The following PRELID2 variants were observed in gnomAD, a reference collection of about 807,000 sequenced individuals.
PRELID2 encodes the protein PRELI domain containing 2, also known as PRELI domain-containing protein 2.
A neutral mutation model predicts 28.4 loss-of-function variants in PRELID2; 25 were observed. That is an observed-to-expected ratio of 0.88 (90% CI 0.64 to 1.23). The LOEUF is 1.23. Among genes scored for constraint, PRELID2 ranks in the 50% most tolerant of loss-of-function variants. The pLI is 0.00. For synonymous variants in PRELID2, 76 were observed against 71.6 expected (o/e 1.06, Z -0.31); for missense variants, 201 against 214.4 (o/e 0.94, Z 0.39).
intron 5 of PRELID2, among the ~76,000 whole-genome samples, chr5:145,772,806 A>T (rs541940395): frequency 1.3e-5 from 2 of 152,232 alleles, no homozygotes; most frequent in African/African-American, 4.8e-5. Flanking sequence ...AGCCTAATAA[A>T]TAAGTCAGGT....
intron 1 of PRELID2, among the ~76,000 whole-genome samples, chr5:145,712,463 C>A (rs1755720564): frequency 6.6e-6 from 1 of 152,282 alleles, no homozygotes; most frequent in East Asian, 1.9e-4. Flanking sequence ...CAAGACTTTT[C>A]TTTCCAAAGA....
intron 1 of PRELID2, among the ~76,000 whole-genome samples, chr5:145,731,792 T>C (rs1022159161): frequency 6.6e-6 from 1 of 152,180 alleles, no homozygotes; most frequent in Non-Finnish European, 1.5e-5. Context: ...GGGACCAGAA[T>C]AGAGGACTTC....
At chr5:145,469,250 A>T (rs1488632282), downstream of PRELID2, among the ~76,000 whole-genome samples, 1 of 152,106 alleles carries the variant, frequency 6.6e-6, no homozygotes, top group African/African-American at 2.4e-5. Flanking sequence ...CTATCTAGAT[A>T]TAGTCAGCTA....
At chr5:145,668,455 G>A (rs7449409) in intron 1 of PRELID2, among the ~76,000 whole-genome samples, 10,523 of 151,318 alleles carry the variant, frequency 0.07, 544 homozygotes, top group Admixed American at 0.18. Context: ...TAAAAAAAAA[G>A]GCAGTATAGC....
chr5:145,739,794 A>G lies in PRELID2; in HGVS notation n.70+25137T>C, dbSNP rs181779533. Among the ~76,000 whole-genome samples, 594 of 152,174 alleles carry G rather than the reference A, an allele frequency of 3.9e-3. 3 individuals carry two copies. The highest frequency in any genetic ancestry group is 0.013 in the African/African-American group (557 of 41,550). On this transcript the variant is annotated intron_variant and non_coding_transcript_variant, in intron 1 of 2. Coordinates refer to the PRELID2 transcript ENST00000510259. Reference sequence around the variant, plus strand: ...ATAGGCTGTTTAAAGTTATGTATATATAATGTAATATATAGAGCAACCACC... The same window carrying G: ...ATAGGCTGTTTAAAGTTATGTATATGTAATGTAATATATAGAGCAACCACC...
the PRELID2 span, among the ~76,000 whole-genome samples, chr5:145,312,971 C>T: frequency 6.6e-6 from 1 of 151,856 alleles, no homozygotes; most frequent in African/African-American, 2.4e-5. Context: ...TCTATAAATT[C>T]AGTGCAATCT....
At chr5:145,791,607 G>A (rs916823902) in intron 5 of PRELID2, among the ~76,000 whole-genome samples, 17 of 152,120 alleles carry the variant, frequency 1.1e-4, no homozygotes, top group Admixed American at 9.2e-4. Flanking sequence ...TAATGGCTAA[G>A]GAGTTCCTGT....
At chr5:145,814,464 G>A (rs1754163816) in intron 4 of PRELID2, among the ~76,000 whole-genome samples, 1 of 152,076 alleles carries the variant, frequency 6.6e-6, no homozygotes, top group Admixed American at 6.6e-5. Flanking sequence ...CTAGCGGGTG[G>A]TTCAGAGCAA....
intron 1 of PRELID2, among the ~76,000 whole-genome samples, chr5:145,675,419 A>G (rs539625441): frequency 6.6e-6 from 1 of 152,364 alleles, no homozygotes; most frequent in African/African-American, 2.4e-5. Flanking sequence ...ACATTCTCAT[A>G]CACCGCTGGT....
chr5:145,531,695 TAC>T lies in PRELID2; in HGVS notation n.71-58382_71-58381del, dbSNP rs538936262. ...AAGGCCTCTCTGCTGGGTTTGAATG[TAC>T]AGATTCCTTGCTCTCATGCAGAGAA... is the stretch of plus-strand genomic sequence containing the variant. On this transcript the variant is annotated intron_variant and non_coding_transcript_variant, in intron 1 of 2. Transcript: ENST00000510259. 2.6e-3 allele frequency among the ~76,000 whole-genome samples: 403 copies of T among 152,294 alleles called. 1 individual carries two copies. Among genetic ancestry groups the T allele is most frequent in the Admixed American group, 4.0e-3 (61 of 15,292 alleles).
At chr5:145,631,604 T>A (rs1753933612) in intron 1 of PRELID2, among the ~76,000 whole-genome samples, 2 of 152,202 alleles carry the variant, frequency 1.3e-5, no homozygotes, top group South Asian at 4.1e-4. Context: ...GGGTTTGGAC[T>A]GTTTTATTCA....
At chr5:145,262,646 T>C in the PRELID2 span, among the ~76,000 whole-genome samples, 1 of 151,992 alleles carries the variant, frequency 6.6e-6, no homozygotes, top group Non-Finnish European at 1.5e-5. Context: ...GCTGAGGGAA[T>C]TTGCCACCAC....
intron 4 of PRELID2, among the ~76,000 whole-genome samples, chr5:145,809,431 G>A (rs1273249509): frequency 6.6e-6 from 1 of 152,218 alleles, no homozygotes; most frequent in East Asian, 1.9e-4. Flanking sequence ...CCCTAAAATG[G>A]TTTTCATGTA....
chr5:145,374,750 C>A, the PRELID2 span, among the ~76,000 whole-genome samples: 1 of 152,174 alleles, frequency 6.6e-6, no homozygotes, highest in South Asian at 2.1e-4. Flanking sequence ...ACTCTGACAT[C>A]CTTTCTTCCA....
chr5:145,628,803 C>G (rs62394230), intron 1 of PRELID2, among the ~76,000 whole-genome samples: 5,137 of 152,206 alleles, frequency 0.034, 184 homozygotes, highest in African/African-American at 0.083. Context: ...AAATCCTGAT[C>G]TGGCCTCTCA....
At chr5:145,598,412 T>G (rs868412377) in intron 1 of PRELID2, among the ~76,000 whole-genome samples, 1 of 152,210 alleles carries the variant, frequency 6.6e-6, no homozygotes, top group African/African-American at 2.4e-5. Context: ...CTAGCATCTA[T>G]GTTTAGGATG....
the PRELID2 span, among the ~76,000 whole-genome samples, chr5:145,454,269 G>A: frequency 6.6e-6 from 1 of 152,084 alleles, no homozygotes. Flanking sequence ...AGGTATTGAT[G>A]GGATGTATCT....
intron 1 of PRELID2, among the ~76,000 whole-genome samples, chr5:145,651,181 G>T (rs866425664): frequency 6.6e-6 from 1 of 152,132 alleles, no homozygotes. Context: ...GTCTGAGATC[G>T]AACTGCAAGA....
chr5:145,246,092 G>C, the PRELID2 span, among the ~76,000 whole-genome samples: 2 of 151,912 alleles, frequency 1.3e-5, no homozygotes, highest in Non-Finnish European at 1.5e-5. Flanking sequence ...ACACAAAATC[G>C]AAGTGAAGAA....
Sources: gnomAD v4.1 joint callset for allele counts (sites outside exome capture counted in the v4.1 genomes callset) on GRCh38, gnomAD v4.1.1 for gene constraint, MANE v1.5 for transcripts, NCBI Gene and HGNC (gene_info 2026-07-23, HGNC 2026-07-21) for gene names.